Variants in PRMT8 observed in about 807,000 individuals in gnomAD.
PRMT8 encodes protein arginine methyltransferase 8, also known as protein arginine N-methyltransferase 8.
PRMT8 carries 7 observed loss-of-function variants against 47.1 expected under a neutral mutation model. The observed-to-expected ratio is 0.15, with a 90% CI of 0.08 to 0.28. The LOEUF (loss-of-function observed/expected upper bound fraction) is 0.28. Ranked by LOEUF, PRMT8 falls within the 10% of genes least tolerant of loss-of-function variation. The pLI is 1.00. For missense variants in PRMT8, 237 were observed against 505.4 expected, an observed-to-expected ratio of 0.47 and a Z score of 5.09; for synonymous variants, 188 against 186.5, an observed-to-expected ratio of 1.01 and a Z score of -0.07.
At chr12:3,554,750 C>G (rs1017610939) in intron 4 of PRMT8, among the ~76,000 whole-genome samples, 16 of 152,186 alleles carry the variant, frequency 1.1e-4, no homozygotes, top group African/African-American at 3.4e-4. Flanking sequence ...GCAGGGAGTT[C>G]TGGCAGGTGG....
At chr12:3,505,679 A>G (rs1471689446) in intron 1 of PRMT8, among the ~76,000 whole-genome samples, 1 of 152,246 alleles carries the variant, frequency 6.6e-6, no homozygotes, top group Non-Finnish European at 1.5e-5. Context: ...GATCAACATT[A>G]TGGAGCCAGT....
Position 3,492,124 on chromosome 12 carries a change from C to G in PRMT8, c.75+424C>G, listed in dbSNP as rs1025360903. Among the ~76,000 whole-genome samples, 1 of 151,892 alleles carries G rather than the reference C, an allele frequency of 6.6e-6. No individual in the cohort carries two copies. Among genetic ancestry groups the G allele is most frequent in the African/African-American group, 2.4e-5 (1 of 41,360 alleles). On this transcript the variant is annotated intron_variant, in intron 1 of 9. Transcript: ENST00000382622. This position sits in a 1 kb window ranked among gnomAD's most constrained non-coding sequence, Gnocchi z 7.5. ...GGTAATCCTGGGGCCAGGTCTGCCC[C>G]CTGCAGTGCCTTGACCGTCTCCTGC...
rs1052814578 is a variant in PRMT8 at position 3,535,048 on chromosome 12, C to A, written c.76-5558C>A. 2.0e-5 allele frequency among the ~76,000 whole-genome samples: 3 copies of A among 152,244 alleles called. No individual in the cohort carries two copies. Among genetic ancestry groups the A allele is most frequent in the Admixed American group, 1.3e-4 (2 of 15,292 alleles). On this transcript the variant is annotated intron_variant, in intron 1 of 9. Coordinates refer to ENST00000382622, the MANE Select transcript of PRMT8 (RefSeq NM_019854.5). The surrounding 1 kb of genome is among the most constrained non-coding windows in gnomAD (Gnocchi z 4.7). Reference sequence around the variant, plus strand: ...CCTTAGTCAATGTTAGGTCTCATCACCATCATCATCCTCTGCCATCTACCT... The same window carrying A: ...CCTTAGTCAATGTTAGGTCTCATCAACATCATCATCCTCTGCCATCTACCT...
intron 1 of PRMT8, among the ~76,000 whole-genome samples, chr12:3,476,220 A>G (rs1865211904): frequency 6.6e-6 from 1 of 152,166 alleles, no homozygotes; most frequent in African/African-American, 2.4e-5. Flanking sequence ...GACACACACC[A>G]ACACTCCTTG....
At chr12:3,464,674 G>A (rs1325017369) in intron 1 of PRMT8, among the ~76,000 whole-genome samples, 4 of 152,148 alleles carry the variant, frequency 2.6e-5, no homozygotes, top group African/African-American at 9.7e-5. Flanking sequence ...CCCCTTAAAA[G>A]AAACATCTGA....
intron 4 of PRMT8, among the ~76,000 whole-genome samples, chr12:3,563,765 A>G (rs1866673945): frequency 6.6e-6 from 1 of 152,022 alleles, no homozygotes; most frequent in South Asian, 2.1e-4. Context: ...ACTCCAGTTC[A>G]CTCCTTAGGC....
intron 1 of PRMT8, among the ~76,000 whole-genome samples, chr12:3,421,734 T>C (rs763517634): frequency 1.3e-5 from 2 of 152,210 alleles, no homozygotes; most frequent in Non-Finnish European, 2.9e-5. Flanking sequence ...TGACACCACA[T>C]TTAATCGCAG....
chr12:3,469,484 C>G lies in PRMT8; in HGVS notation c.49-71122C>G, dbSNP rs192445116. ...AGCCAGGTACAAGGGACCACATGGCCCAGGATTCCATTTCCATGAAAATGT... is the reference window on the plus strand; with the variant it reads ...AGCCAGGTACAAGGGACCACATGGCGCAGGATTCCATTTCCATGAAAATGT... On this transcript the variant is annotated intron_variant, in intron 1 of 9. Transcript: ENST00000452611. 1.6e-4 allele frequency among the ~76,000 whole-genome samples: 24 copies of G among 152,224 alleles called. 1 individual carries two copies. Among genetic ancestry groups the G allele is most frequent in the Admixed American group, 1.6e-3 (24 of 15,292 alleles).
chr12:3,473,861 T>C (rs1433311526), intron 1 of PRMT8, among the ~76,000 whole-genome samples: 1 of 152,048 alleles, frequency 6.6e-6, no homozygotes, highest in Non-Finnish European at 1.5e-5. Context: ...GGCAGTTCCT[T>C]CTCCTTCAGG....
At chr12:3,592,624 C>G (rs1187984855) in intron 9 of PRMT8, among the ~76,000 whole-genome samples, 1 of 152,048 alleles carries the variant, frequency 6.6e-6, no homozygotes, top group Non-Finnish European at 1.5e-5. Context: ...GAGGGGCTTT[C>G]AAATAAATGG....
chr12:3,574,489 G>C (rs1276824180), intron 6 of PRMT8, among the ~76,000 whole-genome samples: 1 of 152,232 alleles, frequency 6.6e-6, no homozygotes, highest in South Asian at 2.1e-4. Context: ...ATCCTTATAA[G>C]TAAGCCCAGA....
rs1864403324 is a variant in PRMT8, at chr12:3,409,290, G to T, written c.48+27848G>T. On this transcript the variant is annotated intron_variant, in intron 1 of 9. Transcript: ENST00000452611. This position sits in a 1 kb window ranked among gnomAD's most constrained non-coding sequence, Gnocchi z 4.4. ...CTGGCCCAGCTTCAGGGAAGAAGGG[G>T]TGCTGTGGAGTTTCGGGTCCAGTGA... Among the ~76,000 whole-genome samples, 1 of 152,170 alleles carries T rather than the reference G, an allele frequency of 6.6e-6. No homozygotes were observed. Among genetic ancestry groups the T allele is most frequent in the South Asian group, 2.1e-4 (1 of 4,830 alleles).
intron 1 of PRMT8, among the ~76,000 whole-genome samples, chr12:3,425,411 G>A (rs942166042): frequency 6.6e-6 from 1 of 152,190 alleles, no homozygotes; most frequent in Non-Finnish European, 1.5e-5. Flanking sequence ...CACTGGCCTC[G>A]GCCAGGGCCC....
At chr12:3,398,530 A>G (rs1307114513) in intron 1 of PRMT8, among the ~76,000 whole-genome samples, 2 of 152,236 alleles carry the variant, frequency 1.3e-5, no homozygotes, top group Non-Finnish European at 2.9e-5. Context: ...GCCCTCAGAC[A>G]TTGCACAGTG....
chr12:3,491,318 C>A lies in PRMT8; in HGVS notation c.-308C>A. 9.2e-7 allele frequency: 1 copy of A among 1,083,250 alleles called. No homozygotes were observed. Among genetic ancestry groups the A allele is most frequent in the Non-Finnish European group, 1.1e-6 (1 of 893,242 alleles). 67.1% of individuals were successfully genotyped at this position (1,083,250 alleles called of 1,614,324 possible). On this transcript the variant is annotated 5_prime_UTR_variant, in exon 1 of 10. Transcript: ENST00000382622. The stretch of plus-strand genomic sequence containing the variant: ...ACCGCCGCCGCCGCCGCCGCGGAGG[C>A]TTCGGGGCTGCTTCCCTCGAGCTTA...
At chr12:3,405,380 T>C (rs111982706) in intron 1 of PRMT8, among the ~76,000 whole-genome samples, 1 of 152,166 alleles carries the variant, frequency 6.6e-6, no homozygotes, top group African/African-American at 2.4e-5. Flanking sequence ...AGCCAAACCA[T>C]GTCATTCCAC....
intron 1 of PRMT8, among the ~76,000 whole-genome samples, chr12:3,469,903 CCG>C (rs1865141243): frequency 6.6e-6 from 1 of 152,122 alleles, no homozygotes; most frequent in Non-Finnish European, 1.5e-5. Context: ...CAGTGCCACC[CCG>C]CAGACACACA....
At chr12:3,427,405 C>A (rs962392226) in intron 1 of PRMT8, among the ~76,000 whole-genome samples, 1 of 152,022 alleles carries the variant, frequency 6.6e-6, no homozygotes, top group African/African-American at 2.4e-5. Context: ...CTGGATGATA[C>A]CCCTTTAACT....
chr12:3,481,109 A>C (rs1865270585), intron 1 of PRMT8, among the ~76,000 whole-genome samples: 1 of 152,238 alleles, frequency 6.6e-6, no homozygotes, highest in Non-Finnish European at 1.5e-5. Context: ...TGCAGAAGAC[A>C]GACCATGGCC....
Sources: gnomAD v4.1 joint callset for allele counts (sites outside exome capture counted in the v4.1 genomes callset) on GRCh38, gnomAD v4.1.1 for gene constraint, Gnocchi (gnomAD v3.1) non-coding constraint, MANE v1.5 for transcripts, NCBI Gene and HGNC (gene_info 2026-07-23, HGNC 2026-07-21) for gene names.